SNX25: variants seen among roughly 807,000 people sequenced by gnomAD.
The protein encoded by SNX25 is sorting nexin 25.
SNX25 carries 62 observed loss-of-function variants against 113.7 expected under a neutral mutation model. That is an observed-to-expected ratio of 0.55 (90% CI 0.44 to 0.67). The LOEUF is 0.67. SNX25 is among the 30% of genes least tolerant of loss of function. SNX25 has a pLI of 0.00. For missense variants in SNX25, 1,014 were observed against 1,161.0 expected, an observed-to-expected ratio of 0.87 and a Z score of 1.84; for synonymous variants, 421 against 436.2, an observed-to-expected ratio of 0.97 and a Z score of 0.43.
At chr4:185,215,536 GA>G (rs1245945967) in intron 1 of SNX25, among the ~76,000 whole-genome samples, 2 of 152,186 alleles carry the variant, frequency 1.3e-5, no homozygotes, top group Non-Finnish European at 2.9e-5. Context: ...AAAAGGAAAA[GA>G]AACAGGAATT....
At chr4:185,290,622 G>A (rs538710810) in intron 6 of SNX25, among the ~76,000 whole-genome samples, 3 of 151,022 alleles carry the variant, frequency 2.0e-5, no homozygotes, top group Non-Finnish European at 2.9e-5. Flanking sequence ...CGAAATTTTA[G>A]CATGAGAATG....
intron 6 of SNX25, 37 bp downstream of exon 6, chr4:185,288,119 A>G (rs11725533): frequency 0.045 from 70,897 of 1,566,962 alleles, 1,869 homozygotes; most frequent in African/African-American, 0.084. Flanking sequence ...TCCACATCTG[A>G]AAGGTCAGCT....
intron 1 of SNX25, among the ~76,000 whole-genome samples, chr4:185,241,205 C>A (rs902604937): frequency 1.3e-5 from 2 of 152,152 alleles, no homozygotes; most frequent in Non-Finnish European, 2.9e-5. Context: ...ACTGAGTGAA[C>A]GCGACTCCGT....
In SNX25 at chr4:185,334,271, G is replaced by T. The variant is rs2095215870; in HGVS notation, c.1914+1512G>T. On this transcript the variant is annotated intron_variant, in intron 10 of 18. Transcript: ENST00000652585. This position sits in a 1 kb window ranked among gnomAD's most constrained non-coding sequence, Gnocchi z 4.2. ...GAGAATCTCTTGAACCCGGGAGGCA[G>T]AAGTTGCGTGAGCCAAGATCATGCC... is the stretch of plus-strand genomic sequence containing the variant. Among the ~76,000 whole-genome samples, 1 of 152,140 alleles carries T rather than the reference G, an allele frequency of 6.6e-6. No individual in the cohort carries two copies.
downstream of SNX25, among the ~76,000 whole-genome samples, chr4:185,371,340 C>G (rs377404249): frequency 6.6e-6 from 1 of 151,916 alleles, no homozygotes; most frequent in Non-Finnish European, 1.5e-5. Context: ...GAGATTGAGA[C>G]CATCCTGGCT....
At chr4:185,368,873 A>G (rs1464499211), downstream of SNX25, among the ~76,000 whole-genome samples, 2 of 148,144 alleles carry the variant, frequency 1.4e-5, no homozygotes, top group Non-Finnish European at 3.0e-5. Context: ...GGCTCACTGC[A>G]GCCTCCTCCT....
In SNX25 at chr4:185,346,563, G is replaced by T; in HGVS notation, c.2214G>T (p.Gln738His). Reference protein sequence around the residue: ...SECVPSLKKVQLPSLSKLPFK... With the variant: ...SECVPSLKKVHLPSLSKLPFK... ...GCGTCCCTTCTTTAAAAAAAGTCCA[G>T]TTGCCTTCTCTTAGCAAGCTGCCTT... The change falls in exon 13 of 19, where the codon CAG becomes CAT. Residue 738 changes from glutamine to histidine, a missense_variant. Coordinates refer to ENST00000652585, the MANE Select transcript of SNX25 (RefSeq NM_001378034.2). 1 of 1,596,128 alleles carries T rather than the reference G, an allele frequency of 6.3e-7. No homozygotes were observed. Among genetic ancestry groups the T allele is most frequent in the Non-Finnish European group, 8.5e-7 (1 of 1,175,378 alleles).
chr4:185,370,487 A>C (rs761679936), downstream of SNX25, among the ~76,000 whole-genome samples: 1 of 152,202 alleles, frequency 6.6e-6, no homozygotes, highest in Non-Finnish European at 1.5e-5. Context: ...ATTGTCTGCA[A>C]ACAATCTGCA....
At chr4:185,209,175 G>A (rs1268576910), upstream of SNX25, 1 of 152,236 alleles carries the variant, frequency 6.6e-6, no homozygotes, top group Admixed American at 6.5e-5. This position sits in a 1 kb window ranked among gnomAD's most constrained non-coding sequence, Gnocchi z 5.2. Context: ...GTGGGAAAGG[G>A]AAGGTCGTTA....
downstream of SNX25, among the ~76,000 whole-genome samples, chr4:185,371,611 A>G (rs899375618): frequency 6.6e-6 from 1 of 152,048 alleles, no homozygotes; most frequent in Non-Finnish European, 1.5e-5. Flanking sequence ...AAATATGTAC[A>G]ATTGTGTGAG....
chr4:185,356,643 CTG>C (rs1252923858), intron 15 of SNX25, among the ~76,000 whole-genome samples: 19 of 152,152 alleles, frequency 1.2e-4, no homozygotes. Context: ...AGTGCCAAGT[CTG>C]TGTTTTCTAT....
chr4:185,351,420 G>A (rs2095314131), intron 13 of SNX25, 25 bp from the exon 14 acceptor site: 1 of 1,607,588 alleles, frequency 6.2e-7, no homozygotes, highest in African/African-American at 1.3e-5. Flanking sequence ...CCACACTGGA[G>A]CAGTTAATCC....
At chr4:185,343,755 C>T (rs1478098695) in intron 12 of SNX25, among the ~76,000 whole-genome samples, 1 of 152,152 alleles carries the variant, frequency 6.6e-6, no homozygotes, top group Non-Finnish European at 1.5e-5. Flanking sequence ...TTTTCTCTTG[C>T]TTAGCGTGAA....
intron 6 of SNX25, chr4:185,295,688 G>C (rs1025509758): frequency 6.6e-6 from 1 of 152,080 alleles, no homozygotes; most frequent in African/African-American, 2.4e-5. Context: ...GGGCTCAATC[G>C]ATCCGCCCTC....
At chr4:185,209,502 C>T (rs568080358), upstream of SNX25, 1 of 156,788 alleles carries the variant, frequency 6.4e-6, no homozygotes, top group African/African-American at 2.4e-5. The surrounding 1 kb of genome is among the most constrained non-coding windows in gnomAD (Gnocchi z 5.2). Context: ...GTGGGCGCCT[C>T]CCGGCTGTCA....
Position 185,317,916 on chromosome 4 carries a change from G to A in SNX25, c.1345-2817G>A, listed in dbSNP as rs528374185. On this transcript the variant is annotated intron_variant, in intron 7 of 18. Coordinates refer to ENST00000652585, the MANE Select transcript of SNX25 (RefSeq NM_001378034.2). Reference sequence around the variant, plus strand: ...ATGTATACCAGAAACTTCACATTCTGTTCATGTATCCCAGAATTTAAAGTA... The same window carrying A: ...ATGTATACCAGAAACTTCACATTCTATTCATGTATCCCAGAATTTAAAGTA... Among the ~76,000 whole-genome samples the A allele has an allele frequency of 7.9e-5, 12 of 152,208 alleles. No individual in the cohort carries two copies. The South Asian group carries it at 2.1e-3, about 26-fold the overall frequency.
chr4:185,231,100 TTG>T (rs1469090493), intron 1 of SNX25, among the ~76,000 whole-genome samples: 18 of 98,102 alleles, frequency 1.8e-4, no homozygotes, highest in Non-Finnish European at 3.5e-4. Flanking sequence ...TTCCTTTTTT[TTG>T]TTTTTTTTTT....
At chr4:185,280,957 G>T (rs568295970) in intron 5 of SNX25, among the ~76,000 whole-genome samples, 1 of 152,262 alleles carries the variant, frequency 6.6e-6, no homozygotes, top group South Asian at 2.1e-4. Context: ...AACATTGACC[G>T]CTTTACACAG....
chr4:185,312,667 C>T (rs936245213), intron 7 of SNX25, among the ~76,000 whole-genome samples: 13 of 152,128 alleles, frequency 8.5e-5, no homozygotes, highest in South Asian at 8.3e-4. Context: ...GGACTACAGA[C>T]GCCCGCCACC....
Sources: allele counts gnomAD v4.1 joint callset (sites outside exome capture counted in the v4.1 genomes callset), GRCh38; gene constraint gnomAD v4.1.1; non-coding constraint Gnocchi (gnomAD v3.1); transcripts MANE v1.5; gene names NCBI Gene and HGNC (gene_info 2026-07-23, HGNC 2026-07-21).